BACH2: variants seen among roughly 807,000 people sequenced by gnomAD.
BACH2 encodes the protein transcription regulator protein BACH2.
Under a neutral mutation model 61.8 loss-of-function variants are expected in BACH2, and 5 were observed. That is an observed-to-expected ratio of 0.08 (90% CI 0.04 to 0.17). The LOEUF (loss-of-function observed/expected upper bound fraction) is 0.17, where lower values mean the gene tolerates loss of function less well. Among genes scored for constraint, BACH2 ranks in the 10% least tolerant of loss-of-function variants. The probability of loss-of-function intolerance (pLI) is 1.00; values close to 1 mark genes in which losing one functional copy is unlikely to be tolerated. For synonymous variants in BACH2, 446 were observed against 440.1 expected (o/e 1.01, Z -0.17); for missense variants, 824 against 1,091.1 (o/e 0.76, Z 3.45).
chr6:90,003,877 T>G (rs1419472102), intron 6 of BACH2, among the ~76,000 whole-genome samples: 1 of 152,242 alleles, frequency 6.6e-6, no homozygotes, highest in Non-Finnish European at 1.5e-5. Context: ...CTTCTCATCC[T>G]GGTCATGCCA....
intron 4 of BACH2, among the ~76,000 whole-genome samples, chr6:90,119,402 C>T (rs1783533236): frequency 6.6e-6 from 1 of 152,118 alleles, no homozygotes. Flanking sequence ...AACTTAAACA[C>T]ACACTAATAT....
At chr6:90,090,426 A>G (rs555482943) in intron 4 of BACH2, among the ~76,000 whole-genome samples, 5 of 152,300 alleles carry the variant, frequency 3.3e-5, no homozygotes, top group African/African-American at 9.6e-5. Context: ...GCACCAATTT[A>G]TATTTTTTTT....
intron 1 of BACH2, among the ~76,000 whole-genome samples, chr6:90,289,261 A>G (rs1772112009): frequency 6.6e-6 from 1 of 152,210 alleles, no homozygotes; most frequent in Non-Finnish European, 1.5e-5. Context: ...GTAAGAGAAC[A>G]GGCCCAAGCA....
intron 4 of BACH2, among the ~76,000 whole-genome samples, chr6:90,134,611 G>A (rs1784211970): frequency 6.6e-6 from 1 of 152,234 alleles, no homozygotes; most frequent in Admixed American, 6.5e-5. Flanking sequence ...GAAACAGGCA[G>A]TGCATAGAAT....
chr6:90,066,627 A>C (rs553051414), intron 5 of BACH2, among the ~76,000 whole-genome samples: 1 of 152,336 alleles, frequency 6.6e-6, no homozygotes, highest in South Asian at 2.1e-4. Flanking sequence ...CATAAACTAC[A>C]AAAGAAAAGA....
At chr6:89,949,306 G>C (rs893661139) in intron 7 of BACH2, among the ~76,000 whole-genome samples, 1 of 152,182 alleles carries the variant, frequency 6.6e-6, no homozygotes, top group Admixed American at 6.5e-5. Flanking sequence ...CCGCTCCTGA[G>C]GGGGGTCTGA....
In BACH2 at chr6:90,257,061, A is replaced by G. The variant is rs1226350676; in HGVS notation, c.-352-4471T>C. Among the ~76,000 whole-genome samples the G allele has an allele frequency of 2.0e-5, 3 of 152,224 alleles. No homozygotes were observed. In the East Asian group the frequency reaches 5.8e-4, roughly 29 times the overall value. On this transcript the variant is annotated intron_variant, in intron 2 of 8. Transcript: ENST00000257749. ...AGCTCTCATTATTTTCTAGGGCTGA[A>G]TAATATTCATTTTGTATAAACCAAA...
intron 5 of BACH2, among the ~76,000 whole-genome samples, chr6:90,034,533 A>G (rs1401815396): frequency 6.6e-6 from 1 of 152,166 alleles, no homozygotes; most frequent in Non-Finnish European, 1.5e-5. Flanking sequence ...GAATAATGAA[A>G]TTTAATTATA....
chr6:90,282,872 C>A (rs1339749798), intron 1 of BACH2, among the ~76,000 whole-genome samples: 1 of 151,804 alleles, frequency 6.6e-6, no homozygotes, highest in Non-Finnish European at 1.5e-5. Flanking sequence ...AGGTGTATAC[C>A]TAGGGGTAAG....
chr6:90,189,596 C>T (rs368266841), intron 4 of BACH2, among the ~76,000 whole-genome samples: 2 of 110,642 alleles, frequency 1.8e-5, no homozygotes, highest in East Asian at 5.5e-4. Context: ...GCCTGGGCGA[C>T]AGAGCGAGAC....
chr6:90,054,731 G>T (rs923669888), intron 5 of BACH2, among the ~76,000 whole-genome samples: 1 of 152,202 alleles, frequency 6.6e-6, no homozygotes, highest in Non-Finnish European at 1.5e-5. Flanking sequence ...CCCAGTAGAG[G>T]CGGGCTGACA....
chr6:89,938,164 C>G lies in BACH2; in HGVS notation c.2023G>C (p.Glu675Gln). The change falls in exon 8 of 9, where the codon GAA (glutamate) becomes CAA (glutamine). Residue 675 changes from glutamate (E) to glutamine (Q), a missense_variant. By Grantham distance (29) the Glu-to-Gln change is conservative (BLOSUM62 2). Around this residue, in one of 8 missense-constraint regions of BACH2, gnomAD observed 160 missense variants for 283.5 expected, o/e 0.56. Transcript: ENST00000257749. Reference protein sequence around the residue: ...KRKLDCIQNLECEIRKLVCEK... With the variant: ...KRKLDCIQNLQCEIRKLVCEK... ...CTCACCAATTTGCGGATTTCACATT[C>G]TAAATTCTGAATACAGTCCAGTTTC... 1 of 1,613,398 alleles carries G rather than the reference C, an allele frequency of 6.2e-7. No individual in the cohort carries two copies. Among genetic ancestry groups the G allele is most frequent in the South Asian group, 1.1e-5 (1 of 91,068 alleles).
At chr6:90,113,127 G>T (rs111572491) in intron 4 of BACH2, among the ~76,000 whole-genome samples, 2,470 of 152,260 alleles carry the variant, frequency 0.016, 56 homozygotes, top group African/African-American at 0.056. Flanking sequence ...GACCTACAAA[G>T]AGATACAGAT....
At chr6:90,085,654 T>C (rs192227095) in intron 5 of BACH2, among the ~76,000 whole-genome samples, 6 of 152,294 alleles carry the variant, frequency 3.9e-5, no homozygotes, top group Admixed American at 2.0e-4. Flanking sequence ...GTGGATCCCT[T>C]ACCTTTGTTG....
intron 4 of BACH2, among the ~76,000 whole-genome samples, chr6:90,177,552 A>G (rs1242975073): frequency 6.6e-6 from 1 of 152,234 alleles, no homozygotes; most frequent in Non-Finnish European, 1.5e-5. Context: ...GGTCTCTGAC[A>G]CCATTGCCTA....
chr6:90,232,229 T>C (rs1198122683), intron 3 of BACH2, among the ~76,000 whole-genome samples: 1 of 152,210 alleles, frequency 6.6e-6, no homozygotes, highest in African/African-American at 2.4e-5. Flanking sequence ...GGTCAAAACC[T>C]ACCTCTGCAG....
At position 90,180,234 on chromosome 6, in the gene BACH2, C is replaced by CA. The variant is rs1038893426; in HGVS notation, c.-162+26334dup. ...AAATCAATATAAAAACTATTATGCA[C>CA]AAAAAAACTAAGAGTAAAATTTATT... is the stretch of plus-strand genomic sequence containing the variant. On this transcript the variant is annotated intron_variant, in intron 4 of 8. Coordinates refer to ENST00000257749, the MANE Select transcript of BACH2 (RefSeq NM_021813.4). Among the ~76,000 whole-genome samples the CA allele has an allele frequency of 4.6e-5, 7 of 151,466 alleles. No homozygotes were observed. The East Asian group carries it at 7.7e-4, about 17-fold the overall frequency.
At chr6:90,067,519 G>T (rs1781020255) in intron 5 of BACH2, among the ~76,000 whole-genome samples, 1 of 152,214 alleles carries the variant, frequency 6.6e-6, no homozygotes, top group Non-Finnish European at 1.5e-5. Context: ...GGTGAGGCAT[G>T]CCCCTTCCAG....
At chr6:90,173,570 ACAAAAGT>A (rs1337104807) in intron 4 of BACH2, among the ~76,000 whole-genome samples, 1 of 152,184 alleles carries the variant, frequency 6.6e-6, no homozygotes, top group Non-Finnish European at 1.5e-5. Flanking sequence ...GAAGCCAAAC[ACAAAAGT>A]CTACTTACTG....
Sources: gnomAD v4.1 joint callset for allele counts (sites outside exome capture counted in the v4.1 genomes callset) on GRCh38, gnomAD v4.1.1 for gene constraint, gnomAD v4.1.1 regional missense constraint, MANE v1.5 for transcripts, NCBI Gene and HGNC (gene_info 2026-07-23, HGNC 2026-07-21) for gene names.